Variants in PRDM2 observed in about 807,000 individuals in gnomAD.
PRDM2 encodes the protein PR/SET domain 2.
Under a neutral mutation model 130.0 loss-of-function variants are expected in PRDM2, and 30 were observed. The ratio of observed to expected loss-of-function variants is 0.23; its 90% CI spans 0.17 to 0.31. The LOEUF is 0.31. Among genes scored for constraint, PRDM2 ranks in the 10% least tolerant of loss-of-function variants. The pLI, the probability that PRDM2 is intolerant of heterozygous loss-of-function variation, is 1.00. For synonymous variants in PRDM2, 871 were observed against 782.4 expected (o/e 1.11, Z -1.89); for missense variants, 2,011 against 2,108.4 (o/e 0.95, Z 0.90).
At position 13,778,626 on chromosome 1, in the gene PRDM2, TGAAGAAGAA is replaced by T; in HGVS notation, c.840_848del (p.Glu280_Glu282del). The T allele has an allele frequency of 6.2e-7, 1 of 1,611,644 alleles. No homozygotes were observed. The highest frequency in any genetic ancestry group is 8.5e-7 in the Non-Finnish European group (1 of 1,178,324). ...AGGAGGAGGAGGAAGAGGAGGAGGA[TGAAGAAGAA>T]GAAGAAGATGATGATGATGATGAGT... On this transcript the variant is annotated inframe_deletion, in exon 8 of 10. Transcript: ENST00000311066.
chr1:13,718,072 C>T (rs534342849), intron 2 of PRDM2, among the ~76,000 whole-genome samples: 7 of 152,102 alleles, frequency 4.6e-5, no homozygotes, highest in Non-Finnish European at 8.8e-5. Flanking sequence ...TTTCCCTTCT[C>T]GTATTTATTG....
At chr1:13,757,932 A>C (rs569837082) in intron 6 of PRDM2, among the ~76,000 whole-genome samples, 1 of 152,088 alleles carries the variant, frequency 6.6e-6, no homozygotes, top group Non-Finnish European at 1.5e-5. Flanking sequence ...AGAAGACCAG[A>C]AGGTGAAAAG....
intron 6 of PRDM2, among the ~76,000 whole-genome samples, chr1:13,768,319 G>A (rs1351105048): frequency 1.3e-5 from 2 of 151,410 alleles, no homozygotes; most frequent in East Asian, 1.9e-4. Context: ...TCCTGACCTC[G>A]TGATCTGCCC....
At chr1:13,766,169 C>G (rs190869543) in intron 6 of PRDM2, among the ~76,000 whole-genome samples, 2 of 152,256 alleles carry the variant, frequency 1.3e-5, no homozygotes, top group East Asian at 3.9e-4. Flanking sequence ...CTACCCTGTT[C>G]CCTAGGGTCT....
At chr1:13,715,821 T>G (rs1642514994) in intron 2 of PRDM2, among the ~76,000 whole-genome samples, 1 of 152,224 alleles carries the variant, frequency 6.6e-6, no homozygotes, top group South Asian at 2.1e-4. Context: ...GGCGTTTCTG[T>G]GGTTCCCTGA....
At chr1:13,703,408 T>G (rs1467147346) in intron 1 of PRDM2, among the ~76,000 whole-genome samples, 4 of 152,216 alleles carry the variant, frequency 2.6e-5, no homozygotes, top group African/African-American at 9.6e-5. Context: ...CTCATCTAAC[T>G]GTATGGTTGA....
intron 6 of PRDM2, among the ~76,000 whole-genome samples, chr1:13,768,074 GTT>G (rs774757778): frequency 1.7e-5 from 2 of 117,736 alleles, no homozygotes; most frequent in African/African-American, 3.0e-5. Flanking sequence ...TTGTCCTTGA[GTT>G]TTTTTTTTTT....
At chr1:13,713,755 T>C (rs1044085296) in intron 1 of PRDM2, among the ~76,000 whole-genome samples, 1 of 152,150 alleles carries the variant, frequency 6.6e-6, no homozygotes, top group African/African-American at 2.4e-5. Flanking sequence ...GGGAATAAGG[T>C]GTCACGCAGG....
chr1:13,786,459 C>A, intron 8 of PRDM2: 2 of 1,588,054 alleles, frequency 1.3e-6, no homozygotes, highest in Middle Eastern at 1.7e-4. Context: ...TTAACATGGT[C>A]AATCATGTAA....
At chr1:13,749,010 A>G (rs1643706870) in intron 5 of PRDM2, among the ~76,000 whole-genome samples, 1 of 152,034 alleles carries the variant, frequency 6.6e-6, no homozygotes, top group Non-Finnish European at 1.5e-5. Flanking sequence ...TTTCTCCTCG[A>G]CTTAGATTTC....
Position 13,780,905 on chromosome 1 carries a change from T to C in PRDM2, c.3110T>C (p.Val1037Ala), listed in dbSNP as rs747751413. ...VSPSPSPIPP[V>A]EPLMSAASPG... ...CCCTCTCCCTCTCCCATTCCTCCCG[T>C]GGAGCCCCTGATGTCTGCCGCCTCA... is the stretch of plus-strand genomic sequence containing the variant. The change falls in exon 8 of 10, where the codon GTG becomes GCG. Residue 1037 changes from valine to alanine, a missense_variant. Coordinates refer to ENST00000311066, the MANE Select transcript of PRDM2 (RefSeq NM_001393986.1). 6.2e-7 allele frequency: 1 copy of C among 1,612,694 alleles called. No homozygotes were observed. The highest frequency in any genetic ancestry group is 1.3e-5 in the African/African-American group (1 of 74,658).
chr1:13,784,818 A>G (rs1644700355), intron 8 of PRDM2, among the ~76,000 whole-genome samples: 1 of 152,206 alleles, frequency 6.6e-6, no homozygotes, highest in African/African-American at 2.4e-5. Context: ...CATTGGTGGC[A>G]GCTCTTCCTC....
chr1:13,816,803 C>G (rs1645265745), intron 9 of PRDM2, among the ~76,000 whole-genome samples: 1 of 152,216 alleles, frequency 6.6e-6, no homozygotes, highest in Non-Finnish European at 1.5e-5. Context: ...AAGCAAGTTA[C>G]TTAGTCTTTC....
chr1:13,742,690 A>G (rs1297382067), intron 5 of PRDM2, among the ~76,000 whole-genome samples: 1 of 152,234 alleles, frequency 6.6e-6, no homozygotes, highest in Non-Finnish European at 1.5e-5. Flanking sequence ...GCATCTTGAA[A>G]GATACTGATG....
Position 13,781,460 on chromosome 1 carries a change from A to G in PRDM2, c.3665A>G (p.His1222Arg), listed in dbSNP as rs1209067228. The change falls in exon 8 of 10, where the codon CAC becomes CGC. Residue 1222 changes from histidine (H) to arginine (R), a missense_variant. Around this residue, in one of 5 missense-constraint regions of PRDM2, gnomAD observed 229 missense variants for 364.1 expected, o/e 0.63. Transcript: ENST00000311066. The surrounding 1 kb of genome is among the most constrained non-coding windows in gnomAD (Gnocchi z 6.1). ...CACCCAGATAAGGTGTGCACACATC[A>G]CGAGTTTGAAAGCGGGACTCTGAGG... ...DLHPDKVCTH[H>R]EFESGTLRPQ... is the part of the protein sequence containing the mutation. The G allele has an allele frequency of 6.2e-7, 1 of 1,613,860 alleles. No individual in the cohort carries two copies. The highest frequency in any genetic ancestry group is 1.1e-5 in the South Asian group (1 of 91,080).
At chr1:13,783,568 A>G (rs1644670600) in intron 8 of PRDM2, among the ~76,000 whole-genome samples, 1 of 152,190 alleles carries the variant, frequency 6.6e-6, no homozygotes, top group Non-Finnish European at 1.5e-5. Flanking sequence ...TAATGATAGA[A>G]GGATTTGTCT....
At chr1:13,736,801 T>C (rs1045913622) in intron 4 of PRDM2, among the ~76,000 whole-genome samples, 4 of 152,124 alleles carry the variant, frequency 2.6e-5, no homozygotes, top group African/African-American at 4.8e-5. Context: ...AAAATATCTA[T>C]TTTTGTAGAG....
intron 6 of PRDM2, among the ~76,000 whole-genome samples, chr1:13,756,145 C>A (rs1351644524): frequency 6.6e-6 from 1 of 151,044 alleles, no homozygotes; most frequent in Non-Finnish European, 1.5e-5. Context: ...CGCCTGTAGT[C>A]CCAGCTACTC....
At position 13,782,471 on chromosome 1, in the gene PRDM2, T is replaced by C. The variant is rs776614148; in HGVS notation, c.4676T>C (p.Phe1559Ser). 6.2e-7 allele frequency: 1 copy of C among 1,614,008 alleles called. No individual in the cohort carries two copies. The highest frequency in any genetic ancestry group is 1.1e-5 in the South Asian group (1 of 91,078). Residue 1559 changes from phenylalanine to serine, a missense_variant, in exon 8 of 10, where the codon TTT (phenylalanine) becomes TCT (serine). By Grantham distance (155) the Phe-to-Ser change is radical (BLOSUM62 -2). Coordinates refer to ENST00000311066, the MANE Select transcript of PRDM2 (RefSeq NM_001393986.1). Reference sequence around the variant, plus strand: ...TTCAGGTCCAAGCAGAACGTCAAGTTTGCAGCTTCGGTGAAATCCAAAAAA... The same window carrying C: ...TTCAGGTCCAAGCAGAACGTCAAGTCTGCAGCTTCGGTGAAATCCAAAAAA... ...SSFRSKQNVK[F>S]AASVKSKKPS...
Sources: allele counts gnomAD v4.1 joint callset (sites outside exome capture counted in the v4.1 genomes callset), GRCh38; gene constraint gnomAD v4.1.1; regional missense constraint gnomAD v4.1.1; non-coding constraint Gnocchi (gnomAD v3.1); transcripts MANE v1.5; gene names NCBI Gene and HGNC (gene_info 2026-07-23, HGNC 2026-07-21).